SLX4IP: variants seen among roughly 807,000 people sequenced by gnomAD.
The protein encoded by SLX4IP is SLX4 interacting protein.
A neutral mutation model predicts 32.9 loss-of-function variants in SLX4IP; 34 were observed. The observed-to-expected ratio is 1.03, with a 90% CI of 0.79 to 1.38. The LOEUF (loss-of-function observed/expected upper bound fraction) is 1.38, where lower values mean the gene tolerates loss of function less well. SLX4IP is among the 40% of genes most tolerant of loss of function. The probability of loss-of-function intolerance (pLI) is 0.00; values close to 1 mark genes in which losing one functional copy is unlikely to be tolerated. For missense variants in SLX4IP, 444 were observed against 479.0 expected (o/e 0.93, Z 0.68); for synonymous variants, 172 against 171.7 (o/e 1.00, Z -0.01).
chr20:10,541,746 C>G (rs1357959640), intron 2 of SLX4IP, among the ~76,000 whole-genome samples: 1 of 152,116 alleles, frequency 6.6e-6, no homozygotes, highest in Non-Finnish European at 1.5e-5. Context: ...TTAGTTAATT[C>G]CTGTTTGTGG....
At chr20:10,515,504 G>A (rs186171145) in intron 2 of SLX4IP, among the ~76,000 whole-genome samples, 34 of 152,314 alleles carry the variant, frequency 2.2e-4, no homozygotes, top group African/African-American at 7.9e-4. Flanking sequence ...GTCCTATAAT[G>A]TAATTACCAG....
At chr20:10,571,380 C>A (rs963552247) in intron 4 of SLX4IP, among the ~76,000 whole-genome samples, 1 of 152,148 alleles carries the variant, frequency 6.6e-6, no homozygotes, top group Non-Finnish European at 1.5e-5. Context: ...CCAGCAAACC[C>A]AGAGAGTGCC....
intron 1 of SLX4IP, among the ~76,000 whole-genome samples, chr20:10,436,664 C>G (rs1290645303): frequency 1.3e-5 from 2 of 152,140 alleles, no homozygotes; most frequent in Non-Finnish European, 2.9e-5. Flanking sequence ...CTGGCCCATT[C>G]TTTGTTCAAC....
chr20:10,601,687 A>G, intron 5 of SLX4IP, 44 bp from the exon 6 acceptor site: 4 of 1,520,906 alleles, frequency 2.6e-6, no homozygotes, highest in East Asian at 2.3e-5. Flanking sequence ...CTGTGTTTAT[A>G]GTTTTTTGAC....
chr20:10,554,705 C>T (rs1199449274), intron 2 of SLX4IP, among the ~76,000 whole-genome samples: 2 of 152,030 alleles, frequency 1.3e-5, no homozygotes, highest in Non-Finnish European at 2.9e-5. Flanking sequence ...ATATTGAACA[C>T]TTTTTTCATT....
chr20:10,474,735 C>T (rs1457821664), intron 2 of SLX4IP, among the ~76,000 whole-genome samples: 1 of 152,212 alleles, frequency 6.6e-6, no homozygotes, highest in South Asian at 2.1e-4. Context: ...AGCCAAACTT[C>T]CGAAGTGAAA....
At chr20:10,531,162 C>T (rs1351815826) in intron 2 of SLX4IP, among the ~76,000 whole-genome samples, 1 of 152,182 alleles carries the variant, frequency 6.6e-6, no homozygotes, top group Non-Finnish European at 1.5e-5. Context: ...ATGCCCACTT[C>T]TCCCCACCCA....
At chr20:10,489,466 T>G (rs1329719699) in intron 2 of SLX4IP, among the ~76,000 whole-genome samples, 2 of 152,224 alleles carry the variant, frequency 1.3e-5, no homozygotes, top group African/African-American at 2.4e-5. Flanking sequence ...TGGATAATTT[T>G]TTTTAATGGG....
At chr20:10,442,668 C>G (rs963380444) in intron 1 of SLX4IP, among the ~76,000 whole-genome samples, 2 of 152,222 alleles carry the variant, frequency 1.3e-5, no homozygotes, top group Non-Finnish European at 2.9e-5. Flanking sequence ...ATTGCCAGCT[C>G]TGGTAGCAAA....
intron 2 of SLX4IP, among the ~76,000 whole-genome samples, chr20:10,508,693 G>A (rs1488438420): frequency 2.0e-5 from 3 of 152,100 alleles, no homozygotes; most frequent in Non-Finnish European, 4.4e-5. Context: ...AACTTTACTG[G>A]TTCTCCTTCT....
intron 6 of SLX4IP, among the ~76,000 whole-genome samples, chr20:10,606,052 G>T (rs2095297730): frequency 6.6e-6 from 1 of 152,132 alleles, no homozygotes; most frequent in African/African-American, 2.4e-5. Context: ...AAGGGGGAGG[G>T]TATCAAATTA....
At position 10,481,619 on chromosome 20, in the gene SLX4IP, G is replaced by A. The variant is rs139761534; in HGVS notation, c.27+23388G>A. On this transcript the variant is annotated intron_variant, in intron 2 of 7. Coordinates refer to ENST00000334534, the MANE Select transcript of SLX4IP (RefSeq NM_001009608.3). The stretch of plus-strand genomic sequence containing the variant: ...CCTTATATATTAATGCTATAGTAAC[G>A]CTGACTTTGATTCTCAATTTATTTC... 2.5e-3 allele frequency among the ~76,000 whole-genome samples: 385 copies of A among 152,204 alleles called. 1 individual carries two copies. The highest frequency in any genetic ancestry group is 8.3e-3 in the African/African-American group (345 of 41,518).
At chr20:10,474,613 C>T (rs1424979117) in intron 2 of SLX4IP, among the ~76,000 whole-genome samples, 1 of 152,172 alleles carries the variant, frequency 6.6e-6, no homozygotes, top group Non-Finnish European at 1.5e-5. Flanking sequence ...ATGGTTAACC[C>T]CAGAAGGAAG....
chr20:10,542,909 T>C (rs1414311080), intron 2 of SLX4IP, among the ~76,000 whole-genome samples: 1 of 152,176 alleles, frequency 6.6e-6, no homozygotes, highest in Non-Finnish European at 1.5e-5. Flanking sequence ...ATTTTGTGGG[T>C]ATGTCCCCTA....
intron 2 of SLX4IP, among the ~76,000 whole-genome samples, chr20:10,528,529 A>G (rs1170800762): frequency 6.6e-6 from 1 of 152,228 alleles, no homozygotes; most frequent in Non-Finnish European, 1.5e-5. Context: ...AGGCTTGTGG[A>G]AGTTAAGCTT....
At chr20:10,587,832 A>T (rs1393628136) in intron 4 of SLX4IP, among the ~76,000 whole-genome samples, 1 of 152,176 alleles carries the variant, frequency 6.6e-6, no homozygotes, top group East Asian at 1.9e-4. Context: ...ATCTTATACC[A>T]TACACAAAAA....
intron 2 of SLX4IP, among the ~76,000 whole-genome samples, chr20:10,527,278 A>G (rs560934507): frequency 1.4e-3 from 210 of 152,334 alleles, no homozygotes; most frequent in Non-Finnish European, 2.5e-3. Flanking sequence ...ATTTAAATAC[A>G]TCCTTGAATA....
chr20:10,518,012 TG>T (rs1286343263), intron 2 of SLX4IP, among the ~76,000 whole-genome samples: 1 of 150,842 alleles, frequency 6.6e-6, no homozygotes, highest in Non-Finnish European at 1.5e-5. Context: ...CTACTGGGAG[TG>T]GGGAGGGGCA....
chr20:10,479,586 G>C lies in SLX4IP; in HGVS notation c.27+21355G>C, dbSNP rs1277289629. 9.8e-5 allele frequency among the ~76,000 whole-genome samples: 3 copies of C among 30,678 alleles called. No individual in the cohort carries two copies. The Admixed American group carries it at 1.4e-3, about 14-fold the overall frequency. The allele number at this position is 30,678 out of a possible 152,430, so 20.1% of individuals were successfully genotyped here. A position where few individuals can be genotyped will look rare whatever the true frequency, so the allele number is the denominator to read the frequency against. On this transcript the variant is annotated intron_variant, in intron 2 of 7. Transcript: ENST00000334534. ...AGGCTGGTCTTGAACTCCTGACCTT[G>C]TGATCCGCCTGCCTTGGCTCCCAAA...
Sources: allele counts gnomAD v4.1 joint callset (sites outside exome capture counted in the v4.1 genomes callset), GRCh38; gene constraint gnomAD v4.1.1; transcripts MANE v1.5; gene names NCBI Gene and HGNC (gene_info 2026-07-23, HGNC 2026-07-21).